Variants in MBD5 observed in about 807,000 individuals in gnomAD.
The protein encoded by MBD5 is methyl-CpG binding domain protein 5, also known as methyl-CpG-binding domain protein 5.
A neutral mutation model predicts 117.3 loss-of-function variants in MBD5; 13 were observed. The observed-to-expected ratio is 0.11, with a 90% CI of 0.07 to 0.18. MBD5 has a LOEUF of 0.18. MBD5 is among the 10% of genes least tolerant of loss of function. The pLI is 1.00. For synonymous variants in MBD5, 727 were observed against 766.4 expected (o/e 0.95, Z 0.85); for missense variants, 1,879 against 2,093.8 (o/e 0.90, Z 2.00).
chr2:148,232,587 G>A (rs1018977826), intron 2 of MBD5, among the ~76,000 whole-genome samples: 6 of 151,804 alleles, frequency 4.0e-5, no homozygotes, highest in South Asian at 2.1e-4. Context: ...GATCCTCCTG[G>A]TGGAGGCTCC....
chr2:148,406,292 C>G (rs1705075082), intron 4 of MBD5, among the ~76,000 whole-genome samples: 1 of 152,176 alleles, frequency 6.6e-6, no homozygotes, highest in Non-Finnish European at 1.5e-5. Context: ...AACTGTAACA[C>G]TCCCATTGTA....
intron 8 of MBD5, among the ~76,000 whole-genome samples, chr2:148,475,071 T>C (rs1175680381): frequency 1.3e-5 from 2 of 152,160 alleles, no homozygotes; most frequent in East Asian, 3.8e-4. Context: ...AATTCAGTGT[T>C]ATATAGATTA....
At chr2:148,278,029 G>A (rs555453225) in intron 3 of MBD5, among the ~76,000 whole-genome samples, 17 of 152,054 alleles carry the variant, frequency 1.1e-4, no homozygotes, top group Admixed American at 2.6e-4. Flanking sequence ...AATTTTCTTG[G>A]GTCCCTTTGT....
chr2:148,033,694 G>A (rs915503486), intron 1 of MBD5, among the ~76,000 whole-genome samples: 25 of 152,132 alleles, frequency 1.6e-4, no homozygotes, highest in Non-Finnish European at 2.4e-4. Flanking sequence ...TAAATAAACA[G>A]CGTACCACAT....
At chr2:148,488,280 T>A (rs189808688) in intron 10 of MBD5, among the ~76,000 whole-genome samples, 2 of 152,332 alleles carry the variant, frequency 1.3e-5, no homozygotes, top group Non-Finnish European at 2.9e-5. Flanking sequence ...CTAAGAATAG[T>A]CTCGGAGATG....
intron 4 of MBD5, among the ~76,000 whole-genome samples, chr2:148,396,352 A>T (rs188631441): frequency 3.4e-4 from 52 of 152,344 alleles, no homozygotes; most frequent in Non-Finnish European, 7.1e-4. Flanking sequence ...GGCGGCTACA[A>T]GCAAAATTCC....
chr2:148,429,504 C>G (rs1705916519), intron 4 of MBD5, among the ~76,000 whole-genome samples: 1 of 152,072 alleles, frequency 6.6e-6, no homozygotes, highest in African/African-American at 2.4e-5. Context: ...GGATATATAC[C>G]TAAAGGATTA....
At chr2:148,308,356 C>T (rs1317527026) in intron 3 of MBD5, among the ~76,000 whole-genome samples, 1 of 152,072 alleles carries the variant, frequency 6.6e-6, no homozygotes, top group Non-Finnish European at 1.5e-5. Context: ...GATGGTATCT[C>T]ATTGTGGTTT....
chr2:148,500,780 A>G (rs1348360876), intron 11 of MBD5, among the ~76,000 whole-genome samples: 1 of 152,208 alleles, frequency 6.6e-6, no homozygotes, highest in Non-Finnish European at 1.5e-5. Flanking sequence ...GCTTATTTAA[A>G]TATAAGTGGA....
chr2:148,487,740 G>GACACAC (rs113925666), intron 10 of MBD5, among the ~76,000 whole-genome samples: 1 of 150,984 alleles, frequency 6.6e-6, no homozygotes, highest in African/African-American at 2.4e-5. Context: ...AGCTGTTCTT[G>GACACAC]ACACACACAC....
intron 3 of MBD5, among the ~76,000 whole-genome samples, chr2:148,311,384 T>A (rs1702026878): frequency 6.6e-6 from 1 of 152,236 alleles, no homozygotes; most frequent in Non-Finnish European, 1.5e-5. Flanking sequence ...GTTGCATTGA[T>A]CCTTTTACCA....
At chr2:148,367,171 C>A (rs1431371362) in intron 4 of MBD5, among the ~76,000 whole-genome samples, 1 of 152,084 alleles carries the variant, frequency 6.6e-6, no homozygotes, top group Non-Finnish European at 1.5e-5. Flanking sequence ...AGAAATAACA[C>A]CACACATCTA....
intron 4 of MBD5, among the ~76,000 whole-genome samples, chr2:148,358,443 C>G (rs1422750389): frequency 6.6e-6 from 1 of 151,946 alleles, no homozygotes; most frequent in African/African-American, 2.4e-5. Flanking sequence ...ATGCAACCAC[C>G]TAGGAACAAG....
intron 1 of MBD5, among the ~76,000 whole-genome samples, chr2:148,093,852 A>G (rs142037864): frequency 1.5e-4 from 23 of 152,330 alleles, no homozygotes; most frequent in African/African-American, 4.8e-4. Flanking sequence ...TGACGAATCT[A>G]TCTGGAAGAG....
At chr2:148,180,343 C>CAGAT (rs757856356) in intron 2 of MBD5, among the ~76,000 whole-genome samples, 1 of 105,544 alleles carries the variant, frequency 9.5e-6, no homozygotes, top group African/African-American at 3.6e-5. Context: ...AAAAATTATA[C>CAGAT]ATATATATAT....
chr2:148,237,990 A>T (rs1256360664), intron 3 of MBD5, among the ~76,000 whole-genome samples: 1 of 152,212 alleles, frequency 6.6e-6, no homozygotes, highest in Non-Finnish European at 1.5e-5. Context: ...AGATAATATA[A>T]GTAATAAGCT....
intron 1 of MBD5, among the ~76,000 whole-genome samples, chr2:148,036,890 G>A (rs1391338364): frequency 6.6e-6 from 1 of 151,980 alleles, no homozygotes. Context: ...TACAGAGTGT[G>A]TAACTCATAA....
chr2:148,167,906 C>T (rs1163057229), intron 1 of MBD5, among the ~76,000 whole-genome samples: 2 of 152,054 alleles, frequency 1.3e-5, no homozygotes, highest in African/African-American at 2.4e-5. Context: ...TTTGTTTTCA[C>T]TTTGGGGCTA....
At chr2:148,189,478 A>C (rs1698776454) in intron 2 of MBD5, among the ~76,000 whole-genome samples, 1 of 120,584 alleles carries the variant, frequency 8.3e-6, no homozygotes. Flanking sequence ...ACTGGGAGGC[A>C]CCCCCCAGCA....
Sources: gnomAD v4.1 joint callset for allele counts (sites outside exome capture counted in the v4.1 genomes callset) on GRCh38, gnomAD v4.1.1 for gene constraint, MANE v1.5 for transcripts, NCBI Gene and HGNC (gene_info 2026-07-23, HGNC 2026-07-21) for gene names.